Variants in CNTNAP2 observed in about 807,000 individuals in gnomAD.
CNTNAP2 encodes the protein contactin-associated protein-like 2.
CNTNAP2 carries 98 observed loss-of-function variants against 155.2 expected under a neutral mutation model. The ratio of observed to expected loss-of-function variants is 0.63; its 90% CI spans 0.54 to 0.75. The LOEUF (loss-of-function observed/expected upper bound fraction) is 0.75, where lower values mean the gene tolerates loss of function less well. CNTNAP2 is among the 30% of genes least tolerant of loss of function. The pLI is 0.00. For missense variants in CNTNAP2, 1,727 were observed against 1,688.1 expected (o/e 1.02, Z -0.40); for synonymous variants, 651 against 631.2 (o/e 1.03, Z -0.47).
chr7:147,890,957 G>A (rs1230372845), intron 13 of CNTNAP2, among the ~76,000 whole-genome samples: 2 of 152,142 alleles, frequency 1.3e-5, no homozygotes, highest in South Asian at 2.1e-4. Flanking sequence ...TGATAAGTAC[G>A]TGAGGTAATG....
chr7:147,315,610 T>G (rs1391669933), intron 9 of CNTNAP2, among the ~76,000 whole-genome samples: 2 of 151,434 alleles, frequency 1.3e-5, no homozygotes, highest in East Asian at 3.9e-4. Flanking sequence ...GCCTCCTGAG[T>G]AGCTGGGACT....
chr7:146,186,073 G>T (rs924699645), intron 1 of CNTNAP2, among the ~76,000 whole-genome samples: 1 of 152,022 alleles, frequency 6.6e-6, no homozygotes, highest in African/African-American at 2.4e-5. Flanking sequence ...CATACAGCCA[G>T]ATTTTTGTTA....
At chr7:146,118,745 A>G (rs1333520094) in intron 1 of CNTNAP2, among the ~76,000 whole-genome samples, 4 of 152,174 alleles carry the variant, frequency 2.6e-5, no homozygotes, top group Admixed American at 6.5e-5. Flanking sequence ...TGAGTTTTCA[A>G]CTTTATAGTT....
chr7:146,257,063 C>T (rs530140079), intron 1 of CNTNAP2, among the ~76,000 whole-genome samples: 2 of 152,198 alleles, frequency 1.3e-5, no homozygotes, highest in Non-Finnish European at 2.9e-5. Flanking sequence ...GTTACCACAT[C>T]CACCAATTAA....
intron 10 of CNTNAP2, among the ~76,000 whole-genome samples, chr7:147,400,488 A>C (rs1796894153): frequency 6.7e-6 from 1 of 148,998 alleles, no homozygotes. Flanking sequence ...TTTGAGCTTA[A>C]TTAAGTGGTG....
intron 3 of CNTNAP2, among the ~76,000 whole-genome samples, chr7:146,852,315 C>T (rs1461923580): frequency 6.6e-6 from 1 of 152,108 alleles, no homozygotes; most frequent in African/African-American, 2.4e-5. Flanking sequence ...AGTTGTGCAT[C>T]AACCTTCATT....
chr7:146,207,859 T>C (rs78551592), intron 1 of CNTNAP2, among the ~76,000 whole-genome samples: 1,688 of 152,092 alleles, frequency 0.011, 19 homozygotes, highest in Non-Finnish European at 0.017. Context: ...AAATCTCTGA[T>C]GGAACTTAAA....
rs575210652 is a variant in CNTNAP2 at position 147,829,788 on chromosome 7, A to T, written c.2099-73777A>T. Among the ~76,000 whole-genome samples, 4 of 152,286 alleles carry T rather than the reference A, an allele frequency of 2.6e-5. No homozygotes were observed. The South Asian group carries it at 8.3e-4, about 32-fold the overall frequency. On this transcript the variant is annotated intron_variant, in intron 13 of 23. Transcript: ENST00000361727. ...TCCTTTCCACAGTAACAATTGGAACAGGCCTGTGATGGTCAGAGTGACCAC... is the reference window on the plus strand; with the variant it reads ...TCCTTTCCACAGTAACAATTGGAACTGGCCTGTGATGGTCAGAGTGACCAC...
chr7:146,200,032 A>G (rs1159754522), intron 1 of CNTNAP2, among the ~76,000 whole-genome samples: 2 of 152,182 alleles, frequency 1.3e-5, no homozygotes, highest in Non-Finnish European at 2.9e-5. Context: ...TTTATGAGTG[A>G]CAGCTTCTGG....
At chr7:146,870,293 TC>T (rs1287282643) in intron 3 of CNTNAP2, among the ~76,000 whole-genome samples, 2 of 152,074 alleles carry the variant, frequency 1.3e-5, no homozygotes, top group Non-Finnish European at 2.9e-5. Flanking sequence ...GAATCATTAT[TC>T]CTGGCTCAGT....
intron 10 of CNTNAP2, among the ~76,000 whole-genome samples, chr7:147,459,726 C>T (rs1797984679): frequency 6.6e-6 from 1 of 152,194 alleles, no homozygotes; most frequent in African/African-American, 2.4e-5. Flanking sequence ...AGAACTTCCA[C>T]ATTTGAAACT....
At chr7:147,343,672 C>T (rs899672843) in intron 9 of CNTNAP2, among the ~76,000 whole-genome samples, 6 of 152,086 alleles carry the variant, frequency 3.9e-5, no homozygotes, top group South Asian at 4.2e-4. Context: ...TCACTCAGTG[C>T]GGCAATGATA....
At chr7:148,183,132 G>C (rs1221584013) in intron 18 of CNTNAP2, among the ~76,000 whole-genome samples, 21 of 152,212 alleles carry the variant, frequency 1.4e-4, no homozygotes, top group Non-Finnish European at 1.5e-5. Context: ...AGGAAGGACA[G>C]GATGAATAAG....
chr7:146,846,413 A>C (rs1029990107), intron 3 of CNTNAP2, among the ~76,000 whole-genome samples: 52 of 151,358 alleles, frequency 3.4e-4, no homozygotes, highest in African/African-American at 1.2e-3. Context: ...AGAAAAAAAA[A>C]CAATTTCCAA....
chr7:147,928,750 A>G (rs1032142585), intron 14 of CNTNAP2, among the ~76,000 whole-genome samples: 1 of 152,162 alleles, frequency 6.6e-6, no homozygotes, highest in Middle Eastern at 3.2e-3. Flanking sequence ...TAAAAACCAC[A>G]TCTTATAATG....
chr7:147,630,839 A>G (rs537325814), intron 12 of CNTNAP2, among the ~76,000 whole-genome samples: 22 of 152,276 alleles, frequency 1.4e-4, no homozygotes, highest in African/African-American at 5.3e-4. Context: ...AATAAAAACC[A>G]TCTATGACAA....
intron 1 of CNTNAP2, among the ~76,000 whole-genome samples, chr7:146,539,868 T>A (rs1462112952): frequency 6.6e-6 from 1 of 152,108 alleles, no homozygotes; most frequent in Non-Finnish European, 1.5e-5. Context: ...ACTGTTAATT[T>A]CCTAAAAGAA....
intron 21 of CNTNAP2, among the ~76,000 whole-genome samples, chr7:148,327,658 GA>G (rs1797915728): frequency 6.6e-6 from 1 of 152,106 alleles, no homozygotes; most frequent in Admixed American, 6.5e-5. Context: ...CACAAAGTGG[GA>G]TTATGTGTCT....
Position 146,329,739 on chromosome 7 carries a change from T to C in CNTNAP2, c.97+212766T>C, listed in dbSNP as rs1257747288. Reference sequence around the variant, plus strand: ...TTTTCTTTTAACACATCGGTATTACTGCAACACTTTCTAGCTGACCTCCTT... The same window carrying C: ...TTTTCTTTTAACACATCGGTATTACCGCAACACTTTCTAGCTGACCTCCTT... On this transcript the variant is annotated intron_variant, in intron 1 of 23. Coordinates refer to ENST00000361727, the MANE Select transcript of CNTNAP2 (RefSeq NM_014141.6). 2.6e-5 allele frequency among the ~76,000 whole-genome samples: 4 copies of C among 152,182 alleles called. No individual in the cohort carries two copies. The East Asian group carries it at 7.7e-4, about 29-fold the overall frequency.
Sources: gnomAD v4.1 joint callset for allele counts (sites outside exome capture counted in the v4.1 genomes callset) on GRCh38, gnomAD v4.1.1 for gene constraint, MANE v1.5 for transcripts, NCBI Gene and HGNC (gene_info 2026-07-23, HGNC 2026-07-21) for gene names.